CHST11: variants seen among roughly 807,000 people sequenced by gnomAD.
CHST11 encodes C4S-1.
Under a neutral mutation model 30.4 loss-of-function variants are expected in CHST11, and 9 were observed. The ratio of observed to expected loss-of-function variants is 0.30; its 90% CI spans 0.18 to 0.52. The LOEUF (loss-of-function observed/expected upper bound fraction) is 0.52, where lower values mean the gene tolerates loss of function less well. Ranked by LOEUF, CHST11 falls within the 20% of genes least tolerant of loss-of-function variation. CHST11 has a pLI of 0.97. For synonymous variants in CHST11, 152 were observed against 187.8 expected (o/e 0.81, Z 1.56); for missense variants, 348 against 460.6 (o/e 0.76, Z 2.24).
At position 104,600,419 on chromosome 12, in the gene CHST11, C is replaced by T. The variant is rs1429242298; in HGVS notation, c.119-1487C>T. On this transcript the variant is annotated intron_variant, in intron 1 of 2. Coordinates refer to ENST00000303694, the MANE Select transcript of CHST11 (RefSeq NM_018413.6). This position sits in a 1 kb window ranked among gnomAD's most constrained non-coding sequence, Gnocchi z 4.1. ...CACAAATAGAGAAGTTCCCGCCTTC[C>T]TCCCAGGGGGATCTAAAATAGCTTC... is the stretch of plus-strand genomic sequence containing the variant. 6.6e-6 allele frequency among the ~76,000 whole-genome samples: 1 copy of T among 152,232 alleles called. No individual in the cohort carries two copies. The highest frequency in any genetic ancestry group is 1.5e-5 in the Non-Finnish European group (1 of 68,046).
chr12:104,492,523 T>C (rs193189688), intron 1 of CHST11, among the ~76,000 whole-genome samples: 1 of 152,378 alleles, frequency 6.6e-6, no homozygotes, highest in Admixed American at 6.5e-5. Context: ...CCCCAGTGCC[T>C]GCCTGCTCTA....
intron 2 of CHST11, among the ~76,000 whole-genome samples, chr12:104,670,264 G>A (rs2039677697): frequency 6.6e-6 from 1 of 152,172 alleles, no homozygotes; most frequent in Non-Finnish European, 1.5e-5. Context: ...CAGGGCTGTA[G>A]CAGAGCGAGT....
rs1226311355 is a variant in CHST11, at chr12:104,600,048, ACT to A, written c.119-1857_119-1856del. Among the ~76,000 whole-genome samples, 3 of 152,180 alleles carry A rather than the reference ACT, an allele frequency of 2.0e-5. No individual in the cohort carries two copies. Among genetic ancestry groups the A allele is most frequent in the Non-Finnish European group, 4.4e-5 (3 of 68,034 alleles). Reference sequence around the variant, plus strand: ...AGACTGCAGGGTGCAAAGCCTAAATACTGTTTGGCCCCTTACAGAAAATTTTG... The same window carrying A: ...AGACTGCAGGGTGCAAAGCCTAAATAGTTTGGCCCCTTACAGAAAATTTTG... On this transcript the variant is annotated intron_variant, in intron 1 of 2. Transcript: ENST00000303694. The surrounding 1 kb of genome is among the most constrained non-coding windows in gnomAD (Gnocchi z 4.1).
Position 104,754,215 on chromosome 12 carries a change from T to C in CHST11, c.205-2734T>C, listed in dbSNP as rs1002804. Among the ~76,000 whole-genome samples, 1,359 of 152,314 alleles carry C rather than the reference T, an allele frequency of 8.9e-3. 40 individuals carry two copies. In the East Asian group the frequency reaches 0.12, roughly 14 times the overall value. On this transcript the variant is annotated intron_variant, in intron 2 of 2. Coordinates refer to ENST00000303694, the MANE Select transcript of CHST11 (RefSeq NM_018413.6). ...CTTCTCTGGAATCTGGCTGAGGGTC[T>C]CAGCATCGTATCCCGGCTAGGACCC...
chr12:104,654,355 G>A (rs1002081076), intron 2 of CHST11, among the ~76,000 whole-genome samples: 1 of 152,112 alleles, frequency 6.6e-6, no homozygotes, highest in Non-Finnish European at 1.5e-5. Flanking sequence ...GAAGGTGTAG[G>A]GCTGAGAGCG....
At chr12:104,610,714 C>T (rs928520223) in intron 2 of CHST11, among the ~76,000 whole-genome samples, 2 of 152,142 alleles carry the variant, frequency 1.3e-5, no homozygotes, top group African/African-American at 2.4e-5. Flanking sequence ...GGAGAGACAT[C>T]GGGGGTGAGA....
At chr12:104,748,093 T>C (rs1044281262) in intron 2 of CHST11, among the ~76,000 whole-genome samples, 8 of 152,186 alleles carry the variant, frequency 5.3e-5, no homozygotes, top group Admixed American at 4.6e-4. Flanking sequence ...TTTCCTAGAA[T>C]CAGCCCTCCT....
rs571703797 is a variant in CHST11 at position 104,569,518 on chromosome 12, C to G, written c.119-32388C>G. ...GAGGATGTCTGAGTCCATTTTGCAT[C>G]TTCATCACACAGAGCTCTGTGGCTG... is the stretch of plus-strand genomic sequence containing the variant. On this transcript the variant is annotated intron_variant, in intron 1 of 2. Coordinates refer to ENST00000303694, the MANE Select transcript of CHST11 (RefSeq NM_018413.6). Among the ~76,000 whole-genome samples the G allele has an allele frequency of 2.0e-5, 3 of 152,300 alleles. No individual in the cohort carries two copies. In the East Asian group the frequency reaches 5.8e-4, roughly 29 times the overall value.
At chr12:104,688,732 G>T (rs940682199) in intron 2 of CHST11, among the ~76,000 whole-genome samples, 1 of 152,184 alleles carries the variant, frequency 6.6e-6, no homozygotes, top group Non-Finnish European at 1.5e-5. Flanking sequence ...TAGGGGTGTG[G>T]TTAAGTATAT....
rs552095084 is a variant in CHST11 at position 104,536,496 on chromosome 12, G to A, written c.119-65410G>A. 4.6e-5 allele frequency among the ~76,000 whole-genome samples: 7 copies of A among 152,276 alleles called. No individual in the cohort carries two copies. In the South Asian group the frequency reaches 6.2e-4, roughly 14 times the overall value. ...TGATGTACTTGTGTAAATTTTGCAT[G>A]CCTTTGCTTCATTGTTCTTCCACGT... On this transcript the variant is annotated intron_variant, in intron 1 of 2. Transcript: ENST00000303694.
chr12:104,622,601 G>A (rs2039170880), intron 2 of CHST11, among the ~76,000 whole-genome samples: 1 of 152,124 alleles, frequency 6.6e-6, no homozygotes, highest in Non-Finnish European at 1.5e-5. Flanking sequence ...GTCAGGTAAG[G>A]CTAAACCTGA....
intron 1 of CHST11, among the ~76,000 whole-genome samples, chr12:104,459,758 C>G (rs1295520132): frequency 1.3e-5 from 2 of 152,188 alleles, no homozygotes; most frequent in African/African-American, 4.8e-5. Context: ...GTCGATGATC[C>G]TGCCCCATCC....
intron 1 of CHST11, among the ~76,000 whole-genome samples, chr12:104,587,067 C>T (rs80012782): frequency 0.017 from 2,550 of 152,322 alleles, 78 homozygotes; most frequent in African/African-American, 0.057. Context: ...CCCTCCGCCC[C>T]TTAGGCCAGC....
intron 1 of CHST11, among the ~76,000 whole-genome samples, chr12:104,592,590 G>C (rs115456590): frequency 1.3e-5 from 2 of 152,146 alleles, no homozygotes; most frequent in African/African-American, 4.8e-5. Context: ...ATGAATTTTA[G>C]TGGGGACACA....
At chr12:104,619,455 A>G (rs2039139464) in intron 2 of CHST11, among the ~76,000 whole-genome samples, 1 of 152,028 alleles carries the variant, frequency 6.6e-6, no homozygotes, top group Non-Finnish European at 1.5e-5. Flanking sequence ...CACAGTAACC[A>G]TGTGTAATTT....
At chr12:104,623,551 AAAT>A (rs2136062289) in intron 2 of CHST11, among the ~76,000 whole-genome samples, 1 of 152,252 alleles carries the variant, frequency 6.6e-6, no homozygotes, top group South Asian at 2.1e-4. Context: ...TCTCTACTAA[AAAT>A]ACAAAATTAG....
chr12:104,633,226 C>T (rs2039288812), intron 2 of CHST11, among the ~76,000 whole-genome samples: 1 of 152,210 alleles, frequency 6.6e-6, no homozygotes, highest in East Asian at 1.9e-4. Flanking sequence ...GCTCATAATT[C>T]TTCCTTGACA....
At chr12:104,497,786 A>G (rs2037814006) in intron 1 of CHST11, among the ~76,000 whole-genome samples, 1 of 151,886 alleles carries the variant, frequency 6.6e-6, no homozygotes, top group African/African-American at 2.4e-5. Context: ...AGGGGACCGG[A>G]TGGTAACAGT....
intron 2 of CHST11, among the ~76,000 whole-genome samples, chr12:104,660,856 T>C (rs916536112): frequency 3.9e-5 from 6 of 152,218 alleles, no homozygotes; most frequent in Non-Finnish European, 8.8e-5. Context: ...GAAGGAGTTA[T>C]AGTTAAAGGA....
Sources: gnomAD v4.1 joint callset for allele counts (sites outside exome capture counted in the v4.1 genomes callset) on GRCh38, gnomAD v4.1.1 for gene constraint, Gnocchi (gnomAD v3.1) non-coding constraint, MANE v1.5 for transcripts, NCBI Gene and HGNC (gene_info 2026-07-23, HGNC 2026-07-21) for gene names.